PTN: variants seen among roughly 807,000 people sequenced by gnomAD.
The protein encoded by PTN is heparin affin regulatory protein.
In PTN, 18 loss-of-function variants were observed where a neutral mutation model predicts 24.1. The observed-to-expected ratio is 0.75, with a 90% CI of 0.52 to 1.11. The LOEUF is 1.11. Among genes scored for constraint, PTN ranks in the 50% least tolerant of loss-of-function variants. PTN has a pLI of 0.00. For synonymous variants in PTN, 78 were observed against 68.6 expected, an observed-to-expected ratio of 1.14 and a Z score of -0.67; for missense variants, 163 against 198.8, an observed-to-expected ratio of 0.82 and a Z score of 1.08.
chr7:137,244,657 T>G (rs1473589432), intron 4 of PTN, among the ~76,000 whole-genome samples: 2 of 151,914 alleles, frequency 1.3e-5, no homozygotes, highest in Admixed American at 1.3e-4. Context: ...CTTGCAATAG[T>G]TTGCTGAGAA....
At chr7:137,269,559 C>T (rs1809235492) in intron 1 of PTN, among the ~76,000 whole-genome samples, 1 of 150,686 alleles carries the variant, frequency 6.6e-6, no homozygotes, top group African/African-American at 2.5e-5. Context: ...AAAAATTTAT[C>T]CTGATTTTTG....
chr7:137,293,263 T>C (rs776903351), intron 1 of PTN, among the ~76,000 whole-genome samples: 2 of 152,050 alleles, frequency 1.3e-5, no homozygotes, highest in African/African-American at 2.4e-5. Context: ...AATCCATAAA[T>C]AGATGGAGTG....
intron 1 of PTN, among the ~76,000 whole-genome samples, chr7:137,315,135 C>T (rs1426386255): frequency 6.6e-6 from 1 of 151,974 alleles, no homozygotes; most frequent in Non-Finnish European, 1.5e-5. Flanking sequence ...GTGATGGGCT[C>T]GTTGCCAATG....
At chr7:137,266,995 C>T (rs1019588756) in intron 1 of PTN, among the ~76,000 whole-genome samples, 5 of 151,666 alleles carry the variant, frequency 3.3e-5, no homozygotes, top group African/African-American at 9.7e-5. Flanking sequence ...TTTCCGGATA[C>T]GCCCTTGTTT....
At chr7:137,256,963 C>T (rs1808937988) in intron 1 of PTN, among the ~76,000 whole-genome samples, 1 of 152,062 alleles carries the variant, frequency 6.6e-6, no homozygotes, top group Non-Finnish European at 1.5e-5. Flanking sequence ...AGTGAGATAC[C>T]ATCTCAAGCC....
intron 1 of PTN, among the ~76,000 whole-genome samples, chr7:137,294,727 G>T (rs1298408029): frequency 6.6e-6 from 1 of 152,072 alleles, no homozygotes; most frequent in Admixed American, 6.6e-5. Flanking sequence ...ATGTGTATTT[G>T]TACATTTGGA....
chr7:137,247,295 GA>G (rs1808740556), intron 4 of PTN, among the ~76,000 whole-genome samples: 4 of 152,156 alleles, frequency 2.6e-5, no homozygotes, highest in Non-Finnish European at 4.4e-5. Context: ...AACAGATAAA[GA>G]AAATGTGGTA....
chr7:137,337,127 G>T (rs1369508173), intron 1 of PTN, among the ~76,000 whole-genome samples: 3 of 152,110 alleles, frequency 2.0e-5, no homozygotes, highest in Admixed American at 1.3e-4. Context: ...GCTGAAGATG[G>T]GCTCCAGGCA....
intron 4 of PTN, among the ~76,000 whole-genome samples, chr7:137,232,224 C>T (rs1241715744): frequency 6.6e-6 from 1 of 151,932 alleles, no homozygotes; most frequent in Non-Finnish European, 1.5e-5. Flanking sequence ...GAGCCATTGT[C>T]AACATGTGAA....
chr7:137,247,874 C>T lies in PTN; in HGVS notation c.451+3356G>A, dbSNP rs118154907. Among the ~76,000 whole-genome samples the T allele has an allele frequency of 9.5e-3, 1,441 of 152,300 alleles. 10 individuals carry two copies. The highest frequency in any genetic ancestry group is 0.024 in the Middle Eastern group (7 of 294). ...TAAAACCCATGGAGGTTAGTTCATA[C>T]CCCTTTGTGATTTAGGTGAGAAATC... On this transcript the variant is annotated intron_variant, in intron 4 of 4. Transcript: ENST00000348225.
In PTN at chr7:137,254,877, CT is replaced by C. The variant is rs1808892937; in HGVS notation, c.96del (p.Lys34ArgfsTer9). Reference sequence around the variant, plus strand: ...TGCTTACCTGGTTTCTCTTTCTTCCCTGCTTCAGCAGTATCCACAGCTGCCA... The same window carrying C: ...TGCTTACCTGGTTTCTCTTTCTTCCCGCTTCAGCAGTATCCACAGCTGCCA... ...FILAAVDTAE[A>X]GKKEKPEKKV... On this transcript the variant is annotated frameshift_variant, in exon 2 of 5. Coordinates refer to ENST00000348225, the MANE Select transcript of PTN (RefSeq NM_002825.7). LOFTEE classifies it high-confidence loss of function. 6.4e-7 allele frequency: 1 copy of C among 1,561,208 alleles called. No homozygotes were observed. The highest frequency in any genetic ancestry group is 1.2e-5 in the South Asian group (1 of 85,250).
At chr7:137,333,019 G>A (rs999491563) in intron 1 of PTN, among the ~76,000 whole-genome samples, 1 of 152,164 alleles carries the variant, frequency 6.6e-6, no homozygotes. Flanking sequence ...AGTGTTGGAG[G>A]TGGTGCCAGA....
At chr7:137,304,743 C>A (rs576225645) in intron 1 of PTN, among the ~76,000 whole-genome samples, 6 of 152,058 alleles carry the variant, frequency 3.9e-5, no homozygotes, top group Non-Finnish European at 8.8e-5. Context: ...TGTTTTACAT[C>A]TTCTTAAAAC....
At chr7:137,325,182 T>C (rs1170720338) in intron 1 of PTN, among the ~76,000 whole-genome samples, 1 of 152,190 alleles carries the variant, frequency 6.6e-6, no homozygotes, top group Non-Finnish European at 1.5e-5. Context: ...TAAATGGCTT[T>C]CTTAGAAAAG....
chr7:137,332,024 T>C (rs1334660570), intron 1 of PTN, among the ~76,000 whole-genome samples: 1 of 152,256 alleles, frequency 6.6e-6, no homozygotes, highest in Non-Finnish European at 1.5e-5. Flanking sequence ...GCATTTTTTA[T>C]GATTCTAATT....
intron 1 of PTN, among the ~76,000 whole-genome samples, chr7:137,341,391 G>A (rs932093530): frequency 6.6e-6 from 1 of 151,798 alleles, no homozygotes; most frequent in Non-Finnish European, 1.5e-5. Flanking sequence ...TAAGGCATAT[G>A]GAAAATATCA....
intron 4 of PTN, among the ~76,000 whole-genome samples, chr7:137,241,820 C>T (rs1181385786): frequency 6.6e-6 from 1 of 152,126 alleles, no homozygotes; most frequent in Non-Finnish European, 1.5e-5. Context: ...AACAGAATTC[C>T]CACAGGGTAC....
intron 1 of PTN, among the ~76,000 whole-genome samples, chr7:137,270,806 A>G (rs1026977352): frequency 5.3e-5 from 8 of 152,212 alleles, no homozygotes; most frequent in African/African-American, 1.9e-4. Flanking sequence ...GTGACAAGAA[A>G]ATTAAAAATG....
intron 1 of PTN, among the ~76,000 whole-genome samples, chr7:137,269,393 C>A (rs1270800489): frequency 6.6e-6 from 1 of 152,164 alleles, no homozygotes; most frequent in East Asian, 1.9e-4. Context: ...CCATGATCTA[C>A]AGTGCACTTG....
Sources: allele counts gnomAD v4.1 joint callset (sites outside exome capture counted in the v4.1 genomes callset), GRCh38; gene constraint gnomAD v4.1.1; transcripts MANE v1.5; gene names NCBI Gene and HGNC (gene_info 2026-07-23, HGNC 2026-07-21).